ADAP1: variants seen among roughly 807,000 people sequenced by gnomAD.
The protein encoded by ADAP1 is arf-GAP with dual PH domain-containing protein 1.
Under a neutral mutation model 54.9 loss-of-function variants are expected in ADAP1, and 31 were observed. The observed-to-expected ratio is 0.56, with a 90% confidence interval of 0.42 to 0.76. ADAP1 has a LOEUF of 0.76. Among genes scored for constraint, ADAP1 ranks in the 30% least tolerant of loss-of-function variants. ADAP1 has a pLI of 0.00. For missense variants in ADAP1, 535 were observed against 512.4 expected, an observed-to-expected ratio of 1.04 and a Z score of -0.42; for synonymous variants, 313 against 202.6, an observed-to-expected ratio of 1.55 and a Z score of -4.63.
At chr7:943,232 G>C (rs1430329326) in intron 1 of ADAP1, among the ~76,000 whole-genome samples, 1 of 41,610 alleles carries the variant, frequency 2.4e-5, no homozygotes, top group Admixed American at 2.0e-4. Flanking sequence ...GAGAGGAGGA[G>C]GAAGGGAGAG....
chr7:900,854 C>G (rs950299270), intron 6 of ADAP1: 1 of 624,144 alleles, frequency 1.6e-6, no homozygotes, highest in Non-Finnish European at 2.9e-6. Context: ...CCTCCCCCGG[C>G]GAAGTCCTGA....
chr7:941,240 A>G (rs1307997547), intron 1 of ADAP1, among the ~76,000 whole-genome samples: 1 of 152,220 alleles, frequency 6.6e-6, no homozygotes, highest in African/African-American at 2.4e-5. Context: ...TTCCCCCAAG[A>G]TCAAGAACAG....
intron 1 of ADAP1, among the ~76,000 whole-genome samples, chr7:939,034 AAGG>A (rs1455632664): frequency 6.6e-6 from 1 of 152,074 alleles, no homozygotes; most frequent in Admixed American, 6.6e-5. Flanking sequence ...CTGGGCCTGG[AAGG>A]AGGCCTGTTC....
intron 2 of ADAP1, among the ~76,000 whole-genome samples, chr7:934,436 C>T (rs1168381691): frequency 6.6e-6 from 1 of 152,046 alleles, no homozygotes; most frequent in Non-Finnish European, 1.5e-5. Context: ...GAGACATGTA[C>T]AGGAGGCCAC....
chr7:906,779 G>GA (rs59838991), intron 4 of ADAP1, among the ~76,000 whole-genome samples: 39 of 42,922 alleles, frequency 9.1e-4, no homozygotes, highest in Non-Finnish European at 8.9e-4. Context: ...GGGGGACAGG[G>GA]GACACGGGGG....
intron 4 of ADAP1, 187 bp from the exon 5 acceptor site, chr7:905,359 G>GGAAAGGGAAAGGAGAAAGGA: frequency 1.3e-5 from 2 of 151,348 alleles, no homozygotes; most frequent in Admixed American, 2.4e-4. Flanking sequence ...AGATGGGCAG[G>GGAAAGGGAAAGGAGAAAGGA]GAAAGGGAAA....
intron 4 of ADAP1, among the ~76,000 whole-genome samples, chr7:913,150 T>A (rs1392635961): frequency 6.6e-6 from 1 of 151,730 alleles, no homozygotes; most frequent in Non-Finnish European, 1.5e-5. Flanking sequence ...GGCCTTCTTT[T>A]GTATTAACTG....
intron 3 of ADAP1, chr7:923,236 C>T (rs1846253304): frequency 6.6e-6 from 1 of 152,016 alleles, no homozygotes; most frequent in African/African-American, 2.4e-5. Context: ...CATGCAGAGC[C>T]CTGTCCAGCC....
rs772485749 is a variant in ADAP1 at position 926,975 on chromosome 7, A to C, written c.214-331T>G. On this transcript the variant is annotated intron_variant, in intron 2 of 10. Coordinates refer to ENST00000265846, the MANE Select transcript of ADAP1 (RefSeq NM_006869.4). The surrounding 1 kb of genome is among the most constrained non-coding windows in gnomAD (Gnocchi z 4.6). Reference sequence around the variant, plus strand: ...CCACCCACACCGGGTGTCCCGTGGGAGAGAGCTGGCTGCATCCTGTGACCC... The same window carrying C: ...CCACCCACACCGGGTGTCCCGTGGGCGAGAGCTGGCTGCATCCTGTGACCC... 29 of 1,260,582 alleles carry C rather than the reference A, an allele frequency of 2.3e-5. No individual in the cohort carries two copies. Among genetic ancestry groups the C allele is most frequent in the Non-Finnish European group, 3.0e-5 (29 of 978,076 alleles). The allele number at this position is 1,260,582 out of a possible 1,614,324, so 78.1% of individuals were successfully genotyped here. A position where few individuals can be genotyped will look rare whatever the true frequency, so the allele number is the denominator to read the frequency against.
Position 946,407 on chromosome 7 carries a change from T to C in ADAP1, c.82+7989A>G, listed in dbSNP as rs533169367. ...ATTCCATTGTGAGGATGGGGCCCTT[T>C]GGCCCTAGGAACAGGCCCTCCCAGG... is the stretch of plus-strand genomic sequence containing the variant. On this transcript the variant is annotated intron_variant, in intron 1 of 10. Transcript: ENST00000265846. The surrounding 1 kb of genome is among the most constrained non-coding windows in gnomAD (Gnocchi z 4.3). Among the ~76,000 whole-genome samples the C allele has an allele frequency of 6.6e-6, 1 of 152,176 alleles. No homozygotes were observed. The highest frequency in any genetic ancestry group is 2.1e-4 in the South Asian group (1 of 4,824).
intron 2 of ADAP1, among the ~76,000 whole-genome samples, chr7:932,840 TGTGGGGGATCACGGCATTAA>T (rs1846627438): frequency 6.6e-6 from 1 of 152,054 alleles, no homozygotes; most frequent in Non-Finnish European, 1.5e-5. Context: ...CAACTCAGGG[TGTGGGGGATCACGGCATTAA>T]GTGCAGAAGC....
chr7:953,657 G>T (rs1431976000), intron 1 of ADAP1, among the ~76,000 whole-genome samples: 1 of 152,262 alleles, frequency 6.6e-6, no homozygotes, highest in East Asian at 1.9e-4. Flanking sequence ...GGCAGGGCTG[G>T]TCTGGGCACT....
chr7:932,711 C>T (rs191635995), intron 2 of ADAP1, among the ~76,000 whole-genome samples: 7 of 152,160 alleles, frequency 4.6e-5, no homozygotes, highest in African/African-American at 7.2e-5. Context: ...GAAGGTGGGT[C>T]GAAGGGCGAA....
At chr7:925,749 T>C (rs1486837099) in intron 3 of ADAP1, among the ~76,000 whole-genome samples, 1 of 152,268 alleles carries the variant, frequency 6.6e-6, no homozygotes, top group Admixed American at 6.5e-5. Flanking sequence ...CCTGCGGCAC[T>C]GTTGGCTCAC....
chr7:942,936 G>A (rs796221254), intron 1 of ADAP1, among the ~76,000 whole-genome samples: 1 of 13,974 alleles, frequency 7.2e-5, no homozygotes, highest in African/African-American at 7.5e-4. Flanking sequence ...AGGGAGTGAG[G>A]AGGAGGAAGA....
In ADAP1 at chr7:937,151, GCCTCTGGGATTTGGGGGTCACGCCCGA is replaced by G. The variant is rs1435691435; in HGVS notation, c.83-1673_83-1647del. 6.3e-4 allele frequency among the ~76,000 whole-genome samples: 39 copies of G among 62,200 alleles called. 1 individual carries two copies. Among genetic ancestry groups the G allele is most frequent in the East Asian group, 1.4e-3 (2 of 1,474 alleles). The allele number at this position is 62,200 out of a possible 152,430, so 40.8% of individuals were successfully genotyped here. A position where few individuals can be genotyped will look rare whatever the true frequency, so the allele number is the denominator to read the frequency against. The stretch of plus-strand genomic sequence containing the variant: ...CTCTGGGATTTGGGGGTCACGCCCG[GCCTCTGGGATTTGGGGGTCACGCCCGA>G]CCTCTGGGATTTGGGGGTCACGCCC... On this transcript the variant is annotated intron_variant, in intron 1 of 10. Transcript: ENST00000265846.
In ADAP1 at chr7:945,934, C is replaced by T. The variant is rs1334483158; in HGVS notation, c.82+8462G>A. 1 of 524,634 alleles carries T rather than the reference C, an allele frequency of 1.9e-6. No individual in the cohort carries two copies. The highest frequency in any genetic ancestry group is 2.4e-6 in the Non-Finnish European group (1 of 408,918). The allele number at this position is 524,634 out of a possible 1,614,324, so 32.5% of individuals were successfully genotyped here. A position where few individuals can be genotyped will look rare whatever the true frequency, so the allele number is the denominator to read the frequency against. On this transcript the variant is annotated intron_variant, in intron 1 of 10. Transcript: ENST00000265846. The surrounding 1 kb of genome is among the most constrained non-coding windows in gnomAD (Gnocchi z 4.2). ...GGGGAAGGGCAGTAGCCAAGCCTGT[C>T]CATGGGGCCCTGGTTCCAGAGACCT...
chr7:940,777 A>T (rs1207690613), intron 1 of ADAP1, among the ~76,000 whole-genome samples: 2 of 152,238 alleles, frequency 1.3e-5, no homozygotes, highest in Non-Finnish European at 2.9e-5. Context: ...ATACACCATG[A>T]TCAACAGGGG....
At chr7:911,029 A>G (rs971188881) in intron 4 of ADAP1, among the ~76,000 whole-genome samples, 3 of 152,002 alleles carry the variant, frequency 2.0e-5, no homozygotes, top group Admixed American at 6.5e-5. Context: ...CCGTCCACCC[A>G]CGCTCTCCGA....
Sources: gnomAD v4.1 joint callset for allele counts (sites outside exome capture counted in the v4.1 genomes callset) on GRCh38, gnomAD v4.1.1 for gene constraint, Gnocchi (gnomAD v3.1) non-coding constraint, MANE v1.5 for transcripts, NCBI Gene and HGNC (gene_info 2026-07-23, HGNC 2026-07-21) for gene names.